Variants in SLC23A2 observed in about 807,000 individuals in gnomAD.
The protein encoded by SLC23A2 is solute carrier family 23 member 2.
A neutral mutation model predicts 73.3 loss-of-function variants in SLC23A2; 36 were observed. That is an observed-to-expected ratio of 0.49 (90% CI 0.38 to 0.65). The LOEUF (loss-of-function observed/expected upper bound fraction) is 0.65, where lower values mean the gene tolerates loss of function less well. Ranked by LOEUF, SLC23A2 falls within the 30% of genes least tolerant of loss-of-function variation. The probability of loss-of-function intolerance (pLI) is 0.00; values close to 1 mark genes in which losing one functional copy is unlikely to be tolerated. For synonymous variants in SLC23A2, 343 were observed against 327.3 expected, an observed-to-expected ratio of 1.05 and a Z score of -0.52; for missense variants, 507 against 841.6, an observed-to-expected ratio of 0.60 and a Z score of 4.92.
chr20:4,944,066 T>C (rs1204425185), intron 2 of SLC23A2, among the ~76,000 whole-genome samples: 1 of 152,250 alleles, frequency 6.6e-6, no homozygotes, highest in Non-Finnish European at 1.5e-5. Context: ...ACTGTGATTC[T>C]GGTGGCTCCA....
intron 3 of SLC23A2, 80 bp from the exon 4 acceptor site, chr20:4,913,058 G>A: frequency 1.1e-6 from 1 of 888,944 alleles, no homozygotes; most frequent in Non-Finnish European, 1.9e-6. Context: ...TAATTCTCCT[G>A]GTGAGTGCAT....
At chr20:4,898,318 TC>T (rs1029507413) in intron 6 of SLC23A2, among the ~76,000 whole-genome samples, 37 of 152,116 alleles carry the variant, frequency 2.4e-4, no homozygotes, top group African/African-American at 8.7e-4. Flanking sequence ...CAGCCTACCC[TC>T]CCAGGGTGTG....
At chr20:4,869,329 CAAACAAAAAAA>C (rs1182661497) in intron 12 of SLC23A2, among the ~76,000 whole-genome samples, 13 of 80,002 alleles carry the variant, frequency 1.6e-4, no homozygotes, top group African/African-American at 5.3e-4. Context: ...TAAAAACAAA[CAAACAAAAAAA>C]AAACAAAAAA....
intron 1 of SLC23A2, among the ~76,000 whole-genome samples, chr20:4,986,649 TACACACACAC>T (rs55738084): frequency 3.7e-4 from 48 of 129,822 alleles, no homozygotes; most frequent in African/African-American, 1.1e-3. Context: ...CATACACACA[TACACACACAC>T]ACACACACAC....
At chr20:4,964,011 A>ATTT (rs11389980) in intron 2 of SLC23A2, among the ~76,000 whole-genome samples, 1 of 147,294 alleles carries the variant, frequency 6.8e-6, no homozygotes, top group African/African-American at 2.5e-5. Flanking sequence ...CCATTAACTT[A>ATTT]TTTTTTTTTT....
At chr20:4,897,430 G>T (rs994542498) in intron 6 of SLC23A2, among the ~76,000 whole-genome samples, 3 of 152,206 alleles carry the variant, frequency 2.0e-5, no homozygotes, top group Non-Finnish European at 4.4e-5. Flanking sequence ...GACTCACTCT[G>T]ACTCCTCACA....
At chr20:4,980,692 G>A (rs566047094) in intron 1 of SLC23A2, among the ~76,000 whole-genome samples, 4 of 151,758 alleles carry the variant, frequency 2.6e-5, no homozygotes, top group African/African-American at 7.2e-5. Context: ...CACCACACCC[G>A]GCTAATTTTT....
At chr20:4,933,377 T>G (rs1039058008) in intron 2 of SLC23A2, among the ~76,000 whole-genome samples, 1 of 152,000 alleles carries the variant, frequency 6.6e-6, no homozygotes, top group East Asian at 1.9e-4. Flanking sequence ...GCTAAGATTT[T>G]GGGAGATAGG....
chr20:5,006,481 A>C (rs1057212819), upstream of SLC23A2, among the ~76,000 whole-genome samples: 1 of 152,170 alleles, frequency 6.6e-6, no homozygotes, highest in African/African-American at 2.4e-5. Flanking sequence ...GATTTTGCTT[A>C]CTTGGGGTTC....
At chr20:5,003,012 T>A (rs995120257), upstream of SLC23A2, among the ~76,000 whole-genome samples, 1 of 152,072 alleles carries the variant, frequency 6.6e-6, no homozygotes, top group African/African-American at 2.4e-5. Context: ...ATTCAGTAAG[T>A]AGGGAAAAGA....
chr20:4,988,806 G>T lies in SLC23A2; in HGVS notation c.-282+12600C>A, dbSNP rs561975679. On this transcript the variant is annotated intron_variant, in intron 1 of 16. Coordinates refer to ENST00000338244, the MANE Select transcript of SLC23A2 (RefSeq NM_005116.6). The stretch of plus-strand genomic sequence containing the variant: ...AGGCACCTGTAATCCCAGCTACTAG[G>T]GAGGCTGAGACAGGAGAAGCGCTTG... Among the ~76,000 whole-genome samples, 12 of 152,110 alleles carry T rather than the reference G, an allele frequency of 7.9e-5. 1 individual carries two copies. The South Asian group carries it at 2.3e-3, about 29-fold the overall frequency.
At chr20:4,912,802 TC>T in intron 4 of SLC23A2, 77 bp downstream of exon 4, 3 of 905,446 alleles carry the variant, frequency 3.3e-6, no homozygotes, top group Non-Finnish European at 3.7e-6. Flanking sequence ...CTGAAAGGGA[TC>T]CGGATCCAGA....
At chr20:4,959,746 C>T (rs2087350314) in intron 2 of SLC23A2, among the ~76,000 whole-genome samples, 1 of 152,194 alleles carries the variant, frequency 6.6e-6, no homozygotes, top group African/African-American at 2.4e-5. Flanking sequence ...CCGCCTTGAC[C>T]TCCAGATCAC....
intron 2 of SLC23A2, among the ~76,000 whole-genome samples, chr20:4,948,934 T>C (rs559451611): frequency 1.5e-3 from 223 of 152,322 alleles, no homozygotes; most frequent in Non-Finnish European, 1.9e-3. Flanking sequence ...TTTGTTTCAC[T>C]TATATTCCTT....
chr20:4,958,026 T>C (rs1359803660), intron 2 of SLC23A2, among the ~76,000 whole-genome samples: 4 of 152,022 alleles, frequency 2.6e-5, no homozygotes, highest in African/African-American at 4.8e-5. Flanking sequence ...GACAAGCACA[T>C]ACCACAATTC....
intron 2 of SLC23A2, among the ~76,000 whole-genome samples, chr20:4,965,966 C>CAAAAAAAA: frequency 1.0e-5 from 1 of 100,068 alleles, no homozygotes; most frequent in South Asian, 3.4e-4. Flanking sequence ...GACTCCATCT[C>CAAAAAAAA]AAAAAAAAAA....
At chr20:4,900,339 T>C (rs1790318441) in intron 5 of SLC23A2, among the ~76,000 whole-genome samples, 1 of 152,244 alleles carries the variant, frequency 6.6e-6, no homozygotes, top group South Asian at 2.1e-4. Context: ...CCAAAATGCT[T>C]TTCTGGCATA....
intron 2 of SLC23A2, among the ~76,000 whole-genome samples, chr20:4,964,859 AAAAG>A (rs1485729044): frequency 6.6e-6 from 1 of 150,924 alleles, no homozygotes; most frequent in East Asian, 1.9e-4. Flanking sequence ...AGAAAAGAAA[AAAAG>A]GAAGGAAGAG....
intron 1 of SLC23A2, among the ~76,000 whole-genome samples, chr20:4,974,608 T>A (rs80269172): frequency 6.6e-6 from 1 of 152,222 alleles, no homozygotes; most frequent in African/African-American, 2.4e-5. Context: ...ATATTCTTCA[T>A]GCTTTGGCAT....
Sources: allele counts gnomAD v4.1 joint callset (sites outside exome capture counted in the v4.1 genomes callset), GRCh38; gene constraint gnomAD v4.1.1; transcripts MANE v1.5; gene names NCBI Gene and HGNC (gene_info 2026-07-23, HGNC 2026-07-21).